The following ERI3 variants were observed in gnomAD, a reference collection of about 807,000 sequenced individuals.
ERI3 encodes ERI1 exoribonuclease family member 3.
ERI3 carries 18 observed loss-of-function variants against 44.4 expected under a neutral mutation model. The observed-to-expected ratio is 0.41, with a 90% CI of 0.28 to 0.60. The LOEUF (loss-of-function observed/expected upper bound fraction) is 0.60, where lower values mean the gene tolerates loss of function less well. Ranked by LOEUF, ERI3 falls within the 20% of genes least tolerant of loss-of-function variation. The pLI, the probability that ERI3 is intolerant of heterozygous loss-of-function variation, is 0.36. For synonymous variants in ERI3, 183 were observed against 164.8 expected, an observed-to-expected ratio of 1.11 and a Z score of -0.84; for missense variants, 294 against 435.5, an observed-to-expected ratio of 0.68 and a Z score of 2.89.
At chr1:44,253,277 A>G (rs1644719103) in intron 7 of ERI3, among the ~76,000 whole-genome samples, 2 of 152,178 alleles carry the variant, frequency 1.3e-5, no homozygotes, top group Admixed American at 1.3e-4. Flanking sequence ...TATTAGCACT[A>G]TAACTTTGGA....
intron 7 of ERI3, among the ~76,000 whole-genome samples, chr1:44,280,394 G>A (rs1246473688): frequency 6.6e-6 from 1 of 152,148 alleles, no homozygotes; most frequent in East Asian, 1.9e-4. Context: ...ACTGCTATCA[G>A]TTCAATCGAA....
intron 3 of ERI3, among the ~76,000 whole-genome samples, chr1:44,325,407 C>A (rs1184110564): frequency 6.6e-6 from 1 of 151,956 alleles, no homozygotes; most frequent in Non-Finnish European, 1.5e-5. Flanking sequence ...AGCTAGGAAC[C>A]CCCAATGATT....
At chr1:44,251,927 G>C (rs1217237662) in intron 7 of ERI3, among the ~76,000 whole-genome samples, 1 of 152,208 alleles carries the variant, frequency 6.6e-6, no homozygotes, top group Admixed American at 6.5e-5. Flanking sequence ...TTCTGATCTT[G>C]ATCAGTGTGG....
Position 44,319,612 on chromosome 1 carries a change from C to T in ERI3, c.606+16G>A, listed in dbSNP as rs1646159385. 5 of 1,591,718 alleles carry T rather than the reference C, an allele frequency of 3.1e-6. No individual in the cohort carries two copies. In the South Asian group the frequency reaches 3.3e-5, roughly 11 times the overall value. On this transcript the variant is annotated intron_variant, in intron 4 of 8. Transcript: ENST00000372257. ...CCCTCCCAGCAGCCCCTGCTGCCCACTTCCAGGGCCCTTACCTCTGTACAG... is the reference window on the plus strand; with the variant it reads ...CCCTCCCAGCAGCCCCTGCTGCCCATTTCCAGGGCCCTTACCTCTGTACAG...
intron 7 of ERI3, among the ~76,000 whole-genome samples, chr1:44,248,959 C>T (rs1480070813): frequency 2.0e-5 from 3 of 152,026 alleles, no homozygotes; most frequent in African/African-American, 7.3e-5. Context: ...TCAGGGGCAG[C>T]GCCTTCCCTT....
At chr1:44,231,014 T>C (rs1044416675) in intron 8 of ERI3, among the ~76,000 whole-genome samples, 1 of 152,260 alleles carries the variant, frequency 6.6e-6, no homozygotes, top group South Asian at 2.1e-4. Flanking sequence ...TATTTGCATA[T>C]ACATGAGATA....
At chr1:44,306,970 C>T (rs917019210) in intron 6 of ERI3, among the ~76,000 whole-genome samples, 2 of 152,210 alleles carry the variant, frequency 1.3e-5, no homozygotes, top group Non-Finnish European at 2.9e-5. Context: ...CTGCCCAGGA[C>T]GCTATTAACA....
chr1:44,248,793 ATC>A (rs1644610383), intron 7 of ERI3, among the ~76,000 whole-genome samples: 1 of 151,882 alleles, frequency 6.6e-6, no homozygotes, highest in African/African-American at 2.4e-5. Context: ...GCGGCCACCC[ATC>A]GATCTGTACT....
intron 5 of ERI3, among the ~76,000 whole-genome samples, chr1:44,310,964 C>CGCGCGCGCGT (rs1645955503): frequency 1.5e-4 from 2 of 13,640 alleles, no homozygotes; most frequent in African/African-American, 5.6e-4. Context: ...CGCGCGCGCG[C>CGCGCGCGCGT]ACACACACAC....
intron 3 of ERI3, among the ~76,000 whole-genome samples, chr1:44,328,933 A>C (rs1646372190): frequency 1.3e-5 from 2 of 152,194 alleles, no homozygotes; most frequent in Non-Finnish European, 2.9e-5. Flanking sequence ...TAGGGCAGAA[A>C]AACAGGCCTG....
intron 7 of ERI3, among the ~76,000 whole-genome samples, chr1:44,254,507 T>C (rs1407734803): frequency 6.6e-6 from 1 of 152,154 alleles, no homozygotes; most frequent in African/African-American, 2.4e-5. Context: ...TTTAACACCC[T>C]GCCTACTTGT....
At chr1:44,272,488 G>T (rs1439219174) in intron 7 of ERI3, among the ~76,000 whole-genome samples, 2 of 152,108 alleles carry the variant, frequency 1.3e-5, no homozygotes, top group African/African-American at 4.8e-5. Context: ...GACTAAATGG[G>T]GGGTAAATCT....
At chr1:44,278,352 C>G (rs1397032231) in intron 7 of ERI3, among the ~76,000 whole-genome samples, 1 of 151,976 alleles carries the variant, frequency 6.6e-6, no homozygotes, top group African/African-American at 2.4e-5. Context: ...TAGCACACAC[C>G]TGCAGTCCCA....
At chr1:44,222,765 C>T (rs551011981) in intron 8 of ERI3, among the ~76,000 whole-genome samples, 1 of 152,196 alleles carries the variant, frequency 6.6e-6, no homozygotes, top group Non-Finnish European at 1.5e-5. Flanking sequence ...TGCTCCTGGG[C>T]CATAACCAGG....
At chr1:44,270,559 C>A (rs988228798) in intron 7 of ERI3, among the ~76,000 whole-genome samples, 10 of 152,188 alleles carry the variant, frequency 6.6e-5, no homozygotes, top group African/African-American at 2.4e-4. Flanking sequence ...CTTTCCTGTG[C>A]TCCAGAGCAA....
chr1:44,300,470 T>A (rs868674864), intron 6 of ERI3, among the ~76,000 whole-genome samples: 1 of 152,138 alleles, frequency 6.6e-6, no homozygotes. Context: ...CCAGTCCCCA[T>A]TGAGGCACAA....
chr1:44,313,236 GAA>G lies in ERI3; in HGVS notation c.607-10_607-9del. 4 of 1,613,982 alleles carry G rather than the reference GAA, an allele frequency of 2.5e-6. No individual in the cohort carries two copies. The highest frequency in any genetic ancestry group is 3.4e-6 in the Non-Finnish European group (4 of 1,179,940). On this transcript the variant is annotated splice_polypyrimidine_tract_variant and intron_variant, in intron 4 of 8. Transcript: ENST00000372257. Reference sequence around the variant, plus strand: ...TTGAATAATCCCGGTGAGCTGAAAGGAAAGAGAAATAGCCGATGGGTAGAAAA... The same window carrying G: ...TTGAATAATCCCGGTGAGCTGAAAGGAGAGAAATAGCCGATGGGTAGAAAA...
chr1:44,343,883 T>C (rs929558753), intron 2 of ERI3, among the ~76,000 whole-genome samples: 5 of 152,206 alleles, frequency 3.3e-5, no homozygotes, highest in African/African-American at 4.8e-5. Flanking sequence ...GAAAAAATTC[T>C]TTCTACTGTA....
intron 8 of ERI3, among the ~76,000 whole-genome samples, chr1:44,223,933 C>T (rs1643968534): frequency 6.6e-6 from 1 of 152,220 alleles, no homozygotes; most frequent in Non-Finnish European, 1.5e-5. Flanking sequence ...ACATCTCTTT[C>T]TAGATAAACC....
Sources: allele counts gnomAD v4.1 joint callset (sites outside exome capture counted in the v4.1 genomes callset), GRCh38; gene constraint gnomAD v4.1.1; transcripts MANE v1.5; gene names NCBI Gene and HGNC (gene_info 2026-07-23, HGNC 2026-07-21).